Variants in KCNN2 observed in about 807,000 individuals in gnomAD.
KCNN2 encodes potassium calcium-activated channel subfamily N member 2.
KCNN2 carries 24 observed loss-of-function variants against 55.5 expected under a neutral mutation model. That is an observed-to-expected ratio of 0.43 (90% CI 0.31 to 0.61). The LOEUF (loss-of-function observed/expected upper bound fraction) is 0.61. KCNN2 is among the 20% of genes least tolerant of loss of function. The probability of loss-of-function intolerance (pLI) is 0.08; values close to 1 mark genes in which losing one functional copy is unlikely to be tolerated. For synonymous variants in KCNN2, 431 were observed against 336.1 expected (o/e 1.28, Z -3.09); for missense variants, 754 against 853.6 (o/e 0.88, Z 1.45).
At chr5:114,080,288 A>G (rs2632136) in intron 1 of KCNN2, among the ~76,000 whole-genome samples, 6,418 of 152,206 alleles carry the variant, frequency 0.042, 448 homozygotes, top group African/African-American at 0.15. Context: ...TCCTGTTCTG[A>G]TTTTGCTATC....
At chr5:114,114,239 A>G (rs557270681) in intron 1 of KCNN2, among the ~76,000 whole-genome samples, 82 of 151,986 alleles carry the variant, frequency 5.4e-4, no homozygotes, top group South Asian at 8.3e-4. Flanking sequence ...TCATCAAAAC[A>G]TTTTTTTAGA....
Position 114,473,072 on chromosome 5 carries a change from C to T in KCNN2, c.1798C>T (p.Leu600=). Residue 600 remains leucine, a synonymous_variant, in exon 5 of 8, where the codon CTG becomes TTG. Transcript: ENST00000673685. ...TTTTCAGGGTGCTGGTTGCACAGCC[C>T]TGGTGGTAGCTGTAGTGGCAAGGAA... The part of the protein sequence containing the change: ...TGIMGAGCTA[L]VVAVVARKLE... 6.2e-7 allele frequency: 1 copy of T among 1,610,808 alleles called. No individual in the cohort carries two copies. The highest frequency in any genetic ancestry group is 8.5e-7 in the Non-Finnish European group (1 of 1,178,168).
chr5:114,244,259 A>C (rs1754704004), intron 2 of KCNN2, among the ~76,000 whole-genome samples: 1 of 152,110 alleles, frequency 6.6e-6, no homozygotes, highest in African/African-American at 2.4e-5. Flanking sequence ...TAAGAGTAGC[A>C]AGAGTAGAAT....
chr5:114,496,065 G>C lies in KCNN2; in HGVS notation c.2259G>C (p.Glu753Asp). 6.2e-7 allele frequency: 1 copy of C among 1,614,036 alleles called. No homozygotes were observed. The highest frequency in any genetic ancestry group is 8.5e-7 in the Non-Finnish European group (1 of 1,179,980). Residue 753 changes from glutamate to aspartate, a missense_variant, in exon 8 of 8, where the codon GAG becomes GAC. Transcript: ENST00000673685. ...GGCAGCAGCAGAGAGATTTCATTGAGGCTCAGATGGAGAGCTACGACAAGC... is the reference window on the plus strand; with the variant it reads ...GGCAGCAGCAGAGAGATTTCATTGACGCTCAGATGGAGAGCTACGACAAGC... ...TIRQQQRDFI[E>D]AQMESYDKHV...
chr5:114,201,547 T>A (rs184743205), intron 1 of KCNN2, among the ~76,000 whole-genome samples: 213 of 152,204 alleles, frequency 1.4e-3, no homozygotes, highest in African/African-American at 4.8e-3. Flanking sequence ...GAGGTGAATA[T>A]TGTACTAGGT....
intron 2 of KCNN2, among the ~76,000 whole-genome samples, chr5:114,403,810 A>G (rs1758858695): frequency 6.6e-6 from 1 of 152,252 alleles, no homozygotes; most frequent in African/African-American, 2.4e-5. Context: ...TTTATTAAAT[A>G]AAGATTGAAA....
At chr5:114,187,081 A>T (rs572192692) in intron 1 of KCNN2, among the ~76,000 whole-genome samples, 1 of 152,344 alleles carries the variant, frequency 6.6e-6, no homozygotes, top group East Asian at 1.9e-4. Context: ...GTGATATAAC[A>T]TTAGAAAAAT....
chr5:114,413,683 A>G (rs1410609777), intron 3 of KCNN2, among the ~76,000 whole-genome samples: 2 of 152,220 alleles, frequency 1.3e-5, no homozygotes, highest in African/African-American at 4.8e-5. Flanking sequence ...GGTTTAAAGA[A>G]TGCAGATTGA....
intron 3 of KCNN2, among the ~76,000 whole-genome samples, chr5:114,446,267 T>C (rs946399029): frequency 4.6e-5 from 7 of 152,140 alleles, no homozygotes; most frequent in African/African-American, 9.7e-5. Flanking sequence ...GTCTTGGAAA[T>C]TGGGGAAGGT....
intron 1 of KCNN2, among the ~76,000 whole-genome samples, chr5:114,068,902 C>T (rs1475084013): frequency 6.6e-6 from 1 of 152,066 alleles, no homozygotes; most frequent in Admixed American, 6.5e-5. Flanking sequence ...GAACCTCCAC[C>T]ATCCAGATTC....
chr5:114,214,912 CAT>C (rs1314532731), intron 1 of KCNN2, among the ~76,000 whole-genome samples: 2 of 152,054 alleles, frequency 1.3e-5, no homozygotes, highest in South Asian at 2.1e-4. Context: ...AGGTTATACT[CAT>C]GTGGTTTTGG....
chr5:114,163,598 T>G (rs895365960), intron 1 of KCNN2, among the ~76,000 whole-genome samples: 16 of 152,360 alleles, frequency 1.1e-4, no homozygotes, highest in Admixed American at 4.6e-4. Context: ...CCATTTTGTA[T>G]GGACTCTGAT....
chr5:114,199,062 T>A (rs1753616865), intron 1 of KCNN2, among the ~76,000 whole-genome samples: 1 of 152,132 alleles, frequency 6.6e-6, no homozygotes. Context: ...TTGCTGTCTA[T>A]TTCTTTAGGT....
At position 114,496,015 on chromosome 5, in the gene KCNN2, C is replaced by A; in HGVS notation, c.2209C>A (p.Pro737Thr). 6.2e-7 allele frequency: 1 copy of A among 1,614,030 alleles called. No homozygotes were observed. Among genetic ancestry groups the A allele is most frequent in the Non-Finnish European group, 8.5e-7 (1 of 1,179,966 alleles). ...TTTGATTGGTAGCATCCACGCCCTCCCTGGGCTCATAAGCCAGACCATCAG... is the reference window on the plus strand; with the variant it reads ...TTTGATTGGTAGCATCCACGCCCTCACTGGGCTCATAAGCCAGACCATCAG... The part of the protein sequence containing the change: ...ETLIGSIHAL[P>T]GLISQTIRQQ... Residue 737 changes from proline to threonine, a missense_variant, in exon 8 of 8, where the codon CCT (proline) becomes ACT (threonine). Transcript: ENST00000673685.
chr5:114,496,272 A>G lies in KCNN2; in HGVS notation c.*90A>G. On this transcript the variant is annotated 3_prime_UTR_variant, in exon 8 of 8. Transcript: ENST00000673685. ...TTGTAAAGCCCCTATGGTTCTAATCAGCGTTATCCGGGTTCTGATGTCAGA... is the reference window on the plus strand; with the variant it reads ...TTGTAAAGCCCCTATGGTTCTAATCGGCGTTATCCGGGTTCTGATGTCAGA... 1 of 1,372,070 alleles carries G rather than the reference A, an allele frequency of 7.3e-7. No individual in the cohort carries two copies. The highest frequency in any genetic ancestry group is 9.9e-7 in the Non-Finnish European group (1 of 1,012,734). 85.0% of individuals were successfully genotyped at this position (1,372,070 alleles called of 1,614,324 possible). A position where few individuals can be genotyped will look rare whatever the true frequency, so the allele number is the denominator to read the frequency against.
intron 5 of KCNN2, among the ~76,000 whole-genome samples, chr5:114,481,334 C>CAAAG (rs1171557659): frequency 6.6e-6 from 1 of 152,100 alleles, no homozygotes; most frequent in South Asian, 2.1e-4. Flanking sequence ...AACCACTACT[C>CAAAG]AAAGAAATCA....
At chr5:114,478,313 AT>A (rs1762062670) in intron 5 of KCNN2, among the ~76,000 whole-genome samples, 1 of 152,204 alleles carries the variant, frequency 6.6e-6, no homozygotes, top group Non-Finnish European at 1.5e-5. Context: ...CATTACCTAT[AT>A]GCTATAGGTT....
chr5:114,454,107 A>C (rs999846961), intron 3 of KCNN2, among the ~76,000 whole-genome samples: 1 of 152,054 alleles, frequency 6.6e-6, no homozygotes, highest in Non-Finnish European at 1.5e-5. Context: ...GTTTGCTGAG[A>C]ATGATGGTTT....
At chr5:114,103,589 G>A (rs1751418212) in intron 1 of KCNN2, among the ~76,000 whole-genome samples, 1 of 151,986 alleles carries the variant, frequency 6.6e-6, no homozygotes, top group Non-Finnish European at 1.5e-5. Context: ...ATTATTTTGA[G>A]GTACATTTTA....
Sources: gnomAD v4.1 joint callset for allele counts (sites outside exome capture counted in the v4.1 genomes callset) on GRCh38, gnomAD v4.1.1 for gene constraint, MANE v1.5 for transcripts, NCBI Gene and HGNC (gene_info 2026-07-23, HGNC 2026-07-21) for gene names.